The following PIP5K1B variants were observed in gnomAD, a reference collection of about 807,000 sequenced individuals.
PIP5K1B encodes phosphatidylinositol 4-phosphate 5-kinase type-1 beta.
A neutral mutation model predicts 67.0 loss-of-function variants in PIP5K1B; 42 were observed. The ratio of observed to expected loss-of-function variants is 0.63; its 90% confidence interval spans 0.49 to 0.81. The LOEUF is 0.81. Ranked by LOEUF, PIP5K1B falls within the 30% of genes least tolerant of loss-of-function variation. PIP5K1B has a pLI of 0.00. For synonymous variants in PIP5K1B, 214 were observed against 231.4 expected (o/e 0.92, Z 0.68); for missense variants, 459 against 646.3 (o/e 0.71, Z 3.14).
At chr9:68,740,245 C>T (rs774563567) in intron 1 of PIP5K1B, among the ~76,000 whole-genome samples, 4 of 152,216 alleles carry the variant, frequency 2.6e-5, no homozygotes, top group Non-Finnish European at 5.9e-5. Flanking sequence ...TTAGATGTTG[C>T]GTAGCTCCTA....
chr9:68,827,874 G>A (rs970469245), intron 4 of PIP5K1B, among the ~76,000 whole-genome samples: 2 of 152,174 alleles, frequency 1.3e-5, no homozygotes, highest in African/African-American at 2.4e-5. Flanking sequence ...CTTGAAAGAG[G>A]ATGGTCTCAA....
At chr9:68,866,092 C>T (rs1452554005) in intron 5 of PIP5K1B, among the ~76,000 whole-genome samples, 2 of 152,080 alleles carry the variant, frequency 1.3e-5, no homozygotes, top group Non-Finnish European at 2.9e-5. Context: ...AGCTGACTTT[C>T]CCTTATTTAG....
intron 14 of PIP5K1B, among the ~76,000 whole-genome samples, chr9:68,945,066 CT>C (rs575360583): frequency 3.0e-3 from 423 of 139,638 alleles, no homozygotes; most frequent in Non-Finnish European, 3.3e-3. Flanking sequence ...TGTTTGAGAC[CT>C]TTTTTTTTTT....
chr9:68,752,928 G>A (rs918171296), intron 2 of PIP5K1B, among the ~76,000 whole-genome samples: 2 of 152,184 alleles, frequency 1.3e-5, no homozygotes, highest in African/African-American at 4.8e-5. Context: ...GATTTTGGCT[G>A]TTGGCATGCT....
chr9:68,937,699 G>A (rs1827337604), intron 13 of PIP5K1B, among the ~76,000 whole-genome samples: 1 of 152,044 alleles, frequency 6.6e-6, no homozygotes, highest in African/African-American at 2.4e-5. Flanking sequence ...TTGATGTTAT[G>A]GTGTCAATTT....
intron 12 of PIP5K1B, among the ~76,000 whole-genome samples, chr9:68,925,646 A>G (rs1826651866): frequency 6.6e-6 from 1 of 151,708 alleles, no homozygotes; most frequent in Non-Finnish European, 1.5e-5. Flanking sequence ...ACTTTCTTCC[A>G]CATTTGACTC....
chr9:68,750,893 G>A (rs1239226131), intron 2 of PIP5K1B, among the ~76,000 whole-genome samples: 3 of 152,186 alleles, frequency 2.0e-5, no homozygotes, highest in Admixed American at 6.5e-5. Flanking sequence ...GAAAACCAGT[G>A]TTTGTTGATG....
At chr9:68,869,620 G>A (rs998330279) in intron 5 of PIP5K1B, among the ~76,000 whole-genome samples, 2 of 152,176 alleles carry the variant, frequency 1.3e-5, no homozygotes, top group African/African-American at 2.4e-5. Context: ...CTGCAGAGTT[G>A]AGTAATTGCT....
chr9:69,007,782 G>A (rs1440609454), intron 15 of PIP5K1B, among the ~76,000 whole-genome samples: 1 of 151,974 alleles, frequency 6.6e-6, no homozygotes, highest in East Asian at 1.9e-4. Flanking sequence ...TCATGTACGT[G>A]GGAGGCAGAG....
chr9:68,732,332 G>C (rs1023043977), intron 1 of PIP5K1B, among the ~76,000 whole-genome samples: 2 of 152,204 alleles, frequency 1.3e-5, no homozygotes, highest in Non-Finnish European at 2.9e-5. Flanking sequence ...AAGTCTTGCT[G>C]ATTGAATTAC....
intron 2 of PIP5K1B, among the ~76,000 whole-genome samples, chr9:68,797,376 G>A (rs1832353353): frequency 6.6e-6 from 1 of 152,180 alleles, no homozygotes. Context: ...TTCAATATGT[G>A]CAAAGAACAG....
intron 15 of PIP5K1B, among the ~76,000 whole-genome samples, chr9:68,993,515 A>G (rs1200238563): frequency 6.6e-6 from 1 of 152,138 alleles, no homozygotes; most frequent in Non-Finnish European, 1.5e-5. Flanking sequence ...TGCATAAACA[A>G]ATTTTTTTGC....
chr9:68,780,992 T>C lies in PIP5K1B; in HGVS notation c.-85-37469T>C, dbSNP rs150345384. 1.9e-6 allele frequency: 3 copies of C among 1,613,952 alleles called. No homozygotes were observed. In the African/African-American group the frequency reaches 4.0e-5, roughly 22 times the overall value. On this transcript the variant is annotated intron_variant, in intron 2 of 15. Coordinates refer to ENST00000265382, the MANE Select transcript of PIP5K1B (RefSeq NM_003558.4). ...CTGTGTCACCTGCCCAAGCGGCTTCTCCATTTATTCCACTAGATGAACTTT... is the reference window on the plus strand; with the variant it reads ...CTGTGTCACCTGCCCAAGCGGCTTCCCCATTTATTCCACTAGATGAACTTT...
chr9:68,771,738 G>C (rs966029221), intron 2 of PIP5K1B, among the ~76,000 whole-genome samples: 3 of 152,134 alleles, frequency 2.0e-5, no homozygotes, highest in African/African-American at 7.2e-5. Flanking sequence ...AAGGGCTGAA[G>C]GTTACTATCT....
chr9:68,762,264 AT>A (rs1159260892), intron 2 of PIP5K1B, among the ~76,000 whole-genome samples: 1 of 139,950 alleles, frequency 7.1e-6, no homozygotes, highest in Non-Finnish European at 1.5e-5. Context: ...AATCAAAAAT[AT>A]CATAAATGTT....
chr9:68,742,135 A>C (rs528565461), intron 1 of PIP5K1B: 31 of 152,272 alleles, frequency 2.0e-4, no homozygotes, highest in Non-Finnish European at 2.9e-4. Flanking sequence ...AACATCAGAG[A>C]GCCTATATTA....
intron 1 of PIP5K1B, among the ~76,000 whole-genome samples, chr9:68,725,331 G>T (rs1251739266): frequency 6.6e-5 from 10 of 152,100 alleles, no homozygotes; most frequent in Admixed American, 1.3e-4. Flanking sequence ...GACCCTATTT[G>T]TGCATTTTTT....
chr9:68,717,183 T>C (rs1029883261), intron 1 of PIP5K1B, among the ~76,000 whole-genome samples: 12 of 152,192 alleles, frequency 7.9e-5, no homozygotes, highest in African/African-American at 2.9e-4. Context: ...ATCCTCAACA[T>C]CATGCAATAT....
At chr9:68,972,457 G>T (rs143465898) in intron 14 of PIP5K1B, among the ~76,000 whole-genome samples, 4 of 151,958 alleles carry the variant, frequency 2.6e-5, no homozygotes, top group Non-Finnish European at 5.9e-5. Flanking sequence ...CCCGGCTAAC[G>T]TGGTAAAACC....
Sources: gnomAD v4.1 joint callset for allele counts (sites outside exome capture counted in the v4.1 genomes callset) on GRCh38, gnomAD v4.1.1 for gene constraint, MANE v1.5 for transcripts, NCBI Gene and HGNC (gene_info 2026-07-23, HGNC 2026-07-21) for gene names.